MAML3: variants seen among roughly 807,000 people sequenced by gnomAD.
MAML3 encodes mastermind like transcriptional coactivator 3, also known as mastermind-like protein 3.
MAML3 carries 27 observed loss-of-function variants against 101.9 expected under a neutral mutation model. The observed-to-expected ratio is 0.27, with a 90% CI of 0.20 to 0.37. MAML3 has a LOEUF of 0.37. MAML3 is among the 10% of genes least tolerant of loss of function. The pLI is 1.00. For synonymous variants in MAML3, 501 were observed against 555.9 expected (o/e 0.90, Z 1.39); for missense variants, 1,316 against 1,444.9 (o/e 0.91, Z 1.45).
At chr4:139,954,262 C>A (rs1361253062) in intron 1 of MAML3, among the ~76,000 whole-genome samples, 2 of 152,180 alleles carry the variant, frequency 1.3e-5, no homozygotes, top group African/African-American at 4.8e-5. Flanking sequence ...GAACCCCCTG[C>A]AAAATGACAT....
intron 1 of MAML3, among the ~76,000 whole-genome samples, chr4:140,090,188 G>A (rs901658699): frequency 1.3e-5 from 2 of 152,046 alleles, no homozygotes; most frequent in Admixed American, 1.3e-4. Context: ...CGGTGGTGGT[G>A]GTGTTAATCT....
intron 2 of MAML3, among the ~76,000 whole-genome samples, chr4:139,851,625 G>T (rs918578477): frequency 6.6e-6 from 1 of 152,222 alleles, no homozygotes; most frequent in Non-Finnish European, 1.5e-5. Context: ...AAGAATAAAA[G>T]TAAGATAGGC....
At chr4:139,928,194 C>A (rs532663263) in intron 1 of MAML3, among the ~76,000 whole-genome samples, 3 of 152,304 alleles carry the variant, frequency 2.0e-5, no homozygotes, top group South Asian at 4.1e-4. Flanking sequence ...TCCATCAATG[C>A]GATACCTCTA....
chr4:139,837,136 A>AG (rs1731268736), intron 2 of MAML3, among the ~76,000 whole-genome samples: 1 of 149,172 alleles, frequency 6.7e-6, no homozygotes, highest in African/African-American at 2.5e-5. Flanking sequence ...AAAAAAAAAA[A>AG]AAAGAAAAGA....
Position 140,072,900 on chromosome 4 carries a change from T to G in MAML3, c.468+79960A>C, listed in dbSNP as rs11929902. Among the ~76,000 whole-genome samples the G allele has an allele frequency of 1.1e-4, 16 of 152,238 alleles. No individual in the cohort carries two copies. In the South Asian group the frequency reaches 1.5e-3, roughly 14 times the overall value. On this transcript the variant is annotated intron_variant, in intron 1 of 4. Transcript: ENST00000509479. Reference sequence around the variant, plus strand: ...GTTGCCACTTCTTTGTCACTTCTTCTGGGCTAACACAGAAGATGTAAAAAG... The same window carrying G: ...GTTGCCACTTCTTTGTCACTTCTTCGGGGCTAACACAGAAGATGTAAAAAG...
chr4:139,979,522 G>A (rs982459756), intron 1 of MAML3, among the ~76,000 whole-genome samples: 21 of 152,108 alleles, frequency 1.4e-4, no homozygotes, highest in African/African-American at 4.3e-4. Flanking sequence ...TGGTTGCTAC[G>A]GTTTGAATGT....
At chr4:139,742,464 C>T (rs1729201881) in intron 2 of MAML3, among the ~76,000 whole-genome samples, 1 of 152,198 alleles carries the variant, frequency 6.6e-6, no homozygotes, top group Admixed American at 6.5e-5. Flanking sequence ...AAACTTTTCA[C>T]TCTTTAATCA....
At chr4:139,767,037 C>T (rs1729876049) in intron 2 of MAML3, among the ~76,000 whole-genome samples, 1 of 152,236 alleles carries the variant, frequency 6.6e-6, no homozygotes, top group Non-Finnish European at 1.5e-5. Flanking sequence ...TTATTGTCCA[C>T]TTTATTATTA....
chr4:139,791,207 T>C (rs1730402606), intron 2 of MAML3, among the ~76,000 whole-genome samples: 1 of 152,172 alleles, frequency 6.6e-6, no homozygotes, highest in South Asian at 2.1e-4. Context: ...TTACATCATC[T>C]CATCCACCGC....
At chr4:140,151,510 G>A (rs960541976) in intron 1 of MAML3, among the ~76,000 whole-genome samples, 3 of 152,126 alleles carry the variant, frequency 2.0e-5, no homozygotes, top group Non-Finnish European at 4.4e-5. Flanking sequence ...CCCGGCGCCG[G>A]GGACTCACAG....
chr4:139,879,960 CTT>C (rs1732187886), intron 2 of MAML3, among the ~76,000 whole-genome samples: 1 of 152,012 alleles, frequency 6.6e-6, no homozygotes, highest in Admixed American at 6.6e-5. Flanking sequence ...ATTGCCTGAG[CTT>C]AGGAGTTTGT....
chr4:139,774,346 T>C (rs868179257), intron 2 of MAML3, among the ~76,000 whole-genome samples: 5 of 152,272 alleles, frequency 3.3e-5, no homozygotes, highest in Admixed American at 6.5e-5. Context: ...GGATGACTTA[T>C]GTCTATTTTG....
chr4:139,799,325 A>G (rs1327567828), intron 2 of MAML3, among the ~76,000 whole-genome samples: 2 of 152,222 alleles, frequency 1.3e-5, no homozygotes, highest in African/African-American at 2.4e-5. Context: ...ATTCTTGCAA[A>G]GAAAAATATC....
At chr4:139,991,770 C>T (rs1734676718) in intron 1 of MAML3, among the ~76,000 whole-genome samples, 1 of 151,974 alleles carries the variant, frequency 6.6e-6, no homozygotes, top group African/African-American at 2.4e-5. Flanking sequence ...TCATTGAGCC[C>T]AGGAGGTCAA....
chr4:140,091,192 A>G (rs1728040333), intron 1 of MAML3, among the ~76,000 whole-genome samples: 1 of 152,138 alleles, frequency 6.6e-6, no homozygotes, highest in African/African-American at 2.4e-5. Flanking sequence ...AAAGCCCTAC[A>G]TACACTATTT....
chr4:140,091,244 T>C (rs569273146), intron 1 of MAML3, among the ~76,000 whole-genome samples: 2 of 152,280 alleles, frequency 1.3e-5, no homozygotes, highest in African/African-American at 4.8e-5. Context: ...TCCATTCTCC[T>C]TGCTCGCAGC....
rs867205883 is a variant in MAML3, at chr4:139,934,897, T to G, written c.469-43930A>C. ...CTAAGGCATAGAGTAATTTTCTGCT[T>G]GTTGAATCTTGTGCCTGGTTTGTTT... On this transcript the variant is annotated intron_variant, in intron 1 of 4. Coordinates refer to ENST00000509479, the MANE Select transcript of MAML3 (RefSeq NM_018717.5). Among the ~76,000 whole-genome samples the G allele has an allele frequency of 4.3e-4, 66 of 152,176 alleles. 2 individuals carry two copies. The highest frequency in any genetic ancestry group is 5.9e-5 in the Non-Finnish European group (4 of 68,036).
At chr4:139,815,758 T>A (rs1730881746) in intron 2 of MAML3, among the ~76,000 whole-genome samples, 1 of 152,214 alleles carries the variant, frequency 6.6e-6, no homozygotes, top group Non-Finnish European at 1.5e-5. Flanking sequence ...TTAAAAGTTT[T>A]AGTTCAAAAC....
chr4:139,890,861 A>G lies in MAML3; in HGVS notation c.575T>C (p.Ile192Thr), dbSNP rs1732480174. 6.2e-7 allele frequency: 1 copy of G among 1,613,916 alleles called. No homozygotes were observed. The highest frequency in any genetic ancestry group is 8.5e-7 in the Non-Finnish European group (1 of 1,179,846). ...CATCCCCGCAGAAATGTCCTTTCGA[A>G]TTCGTTTGCTAGTCGGAGAAAAATT... ...DGNFSPTSKR[I>T]RKDISAGMEA... Residue 192 changes from isoleucine to threonine, a missense_variant, in exon 2 of 5, where the codon ATT (isoleucine) becomes ACT (threonine). Physicochemically the swap from Ile to Thr is moderately conservative, Grantham distance 89. Transcript: ENST00000509479. This position sits in a 1 kb window ranked among gnomAD's most constrained non-coding sequence, Gnocchi z 4.1.
Sources: gnomAD v4.1 joint callset for allele counts (sites outside exome capture counted in the v4.1 genomes callset) on GRCh38, gnomAD v4.1.1 for gene constraint, Gnocchi (gnomAD v3.1) non-coding constraint, MANE v1.5 for transcripts, NCBI Gene and HGNC (gene_info 2026-07-23, HGNC 2026-07-21) for gene names.